AQP10: variants seen among roughly 807,000 people sequenced by gnomAD.
AQP10 encodes the protein aquaporin-10.
In AQP10, 15 loss-of-function variants were observed where a neutral mutation model predicts 21.0. The observed-to-expected ratio is 0.71, with a 90% CI of 0.48 to 1.10. The LOEUF is 1.10. Ranked by LOEUF, AQP10 falls within the 50% of genes least tolerant of loss-of-function variation. The probability of loss-of-function intolerance (pLI) is 0.00; values close to 1 mark genes in which losing one functional copy is unlikely to be tolerated. For missense variants in AQP10, 268 were observed against 379.5 expected (o/e 0.71, Z 2.44); for synonymous variants, 143 against 155.7 (o/e 0.92, Z 0.61).
chr1:154,323,736 C>T lies in AQP10; in HGVS notation c.637C>T (p.Leu213Phe). 6.2e-7 allele frequency: 1 copy of T among 1,614,204 alleles called. No individual in the cohort carries two copies. Among genetic ancestry groups the T allele is most frequent in the Non-Finnish European group, 8.5e-7 (1 of 1,180,038 alleles). ...CATGGGTGCCAACTGCGGGATTCCA[C>T]TCAACCCTGCCCGGGACCTGGGCCC... ...LSMGANCGIP[L>F]NPARDLGPRL... Residue 213 changes from leucine to phenylalanine, a missense_variant, in exon 5 of 6, where the codon CTC becomes TTC. Transcript: ENST00000324978. The surrounding 1 kb of genome is among the most constrained non-coding windows in gnomAD (Gnocchi z 4.5).
Position 154,324,331 on chromosome 1 carries a change from G to A in AQP10, c.757G>A (p.Ala253Thr). 2 of 1,594,000 alleles carry A rather than the reference G, an allele frequency of 1.3e-6. No homozygotes were observed. The highest frequency in any genetic ancestry group is 1.7e-6 in the Non-Finnish European group (2 of 1,172,814). Residue 253 changes from alanine (A) to threonine (T), a missense_variant, in exon 6 of 6, where the codon GCC (alanine) becomes ACC (threonine). This residue lies in a region of AQP10 where 229 missense variants were observed against 295.1 expected (regional missense o/e 0.78). Coordinates refer to ENST00000324978, the MANE Select transcript of AQP10 (RefSeq NM_080429.3). Reference sequence around the variant, plus strand: ...GCCTGTGGTGGCCCCTCTGGTGGGGGCCACCGTTGGCACAGCCACTTACCA... The same window carrying A: ...GCCTGTGGTGGCCCCTCTGGTGGGGACCACCGTTGGCACAGCCACTTACCA... ...WVPVVAPLVG[A>T]TVGTATYQLL... is the part of the protein sequence containing the mutation.
At position 154,323,551 on chromosome 1, in the gene AQP10, C is replaced by A. The variant is rs1685692735; in HGVS notation, c.490-38C>A. The A allele has an allele frequency of 3.1e-6, 5 of 1,593,228 alleles. No individual in the cohort carries two copies. Among genetic ancestry groups the A allele is most frequent in the Non-Finnish European group, 4.3e-6 (5 of 1,164,852 alleles). On this transcript the variant is annotated intron_variant, in intron 4 of 5. Coordinates refer to ENST00000324978, the MANE Select transcript of AQP10 (RefSeq NM_080429.3). This position sits in a 1 kb window ranked among gnomAD's most constrained non-coding sequence, Gnocchi z 4.5. ...GAGAGAGGGCAGATGGAGCACCTGG[C>A]AGCTGACAGGGAACCCTCTGCCTCT...
chr1:154,323,106 T>C lies in AQP10; in HGVS notation c.357T>C (p.Tyr119=). The change falls in exon 3 of 6, where the codon TAT becomes TAC. Residue 119 remains tyrosine, a synonymous_variant. Coordinates refer to ENST00000324978, the MANE Select transcript of AQP10 (RefSeq NM_080429.3). This position sits in a 1 kb window ranked among gnomAD's most constrained non-coding sequence, Gnocchi z 4.5. The part of the protein sequence containing the change: ...LSAFCASGAT[Y]VLYHDALQNY... ...CTTTCTGTGCTTCGGGAGCCACCTA[T>C]GTTCTCTACCATGGTGACAGAGGGA... The C allele has an allele frequency of 4.3e-6, 7 of 1,614,214 alleles. No homozygotes were observed. The highest frequency in any genetic ancestry group is 5.9e-6 in the Non-Finnish European group (7 of 1,180,050).
intron 1 of AQP10, 134 bp downstream of exon 1, chr1:154,321,394 G>A (rs1340657275): frequency 5.1e-5 from 30 of 589,446 alleles, no homozygotes; most frequent in Non-Finnish European, 8.3e-5. Context: ...TTATCCTCTC[G>A]TCTCTCCTAA....
chr1:154,321,374 C>G (rs892158197), intron 1 of AQP10, 114 bp downstream of exon 1: 6 of 741,100 alleles, frequency 8.1e-6, no homozygotes, highest in Non-Finnish European at 1.3e-5. Context: ...CTCCCTATCA[C>G]TTTTCGTTTT....
At position 154,323,332 on chromosome 1, in the gene AQP10, G is replaced by T; in HGVS notation, c.462G>T (p.Leu154=). The change falls in exon 4 of 6, where the codon CTG becomes CTT. Residue 154 remains leucine, a synonymous_variant. Transcript: ENST00000324978. This position sits in a 1 kb window ranked among gnomAD's most constrained non-coding sequence, Gnocchi z 4.5. ...SIFATYPAPY[L]SLNNGFLDQV... is the part of the protein sequence containing the mutation. Reference sequence around the variant, plus strand: ...TTGCCACCTATCCTGCCCCCTATCTGTCCCTGAACAATGGCTTCCTGGATC... The same window carrying T: ...TTGCCACCTATCCTGCCCCCTATCTTTCCCTGAACAATGGCTTCCTGGATC... 6.2e-7 allele frequency: 1 copy of T among 1,614,092 alleles called. No homozygotes were observed. Among genetic ancestry groups the T allele is most frequent in the South Asian group, 1.1e-5 (1 of 91,072 alleles).
At position 154,323,141 on chromosome 1, in the gene AQP10, G is replaced by A; in HGVS notation, c.370+22G>A. 1 of 1,614,162 alleles carries A rather than the reference G, an allele frequency of 6.2e-7. No homozygotes were observed. Among genetic ancestry groups the A allele is most frequent in the Non-Finnish European group, 8.5e-7 (1 of 1,180,014 alleles). On this transcript the variant is annotated intron_variant, in intron 3 of 5. Coordinates refer to ENST00000324978, the MANE Select transcript of AQP10 (RefSeq NM_080429.3). The surrounding 1 kb of genome is among the most constrained non-coding windows in gnomAD (Gnocchi z 4.5). ...CATGGTGACAGAGGGAACAGAGGGA[G>A]CTGTGCCTTGAGAGCACCTGTGGGT...
At chr1:154,322,115 C>A in intron 2 of AQP10, 56 bp downstream of exon 2, 1 of 1,604,010 alleles carries the variant, frequency 6.2e-7, no homozygotes, top group South Asian at 1.1e-5. Flanking sequence ...GCCAGTTTGT[C>A]TGTCTGGTGA....
chr1:154,323,127 A>G lies in AQP10; in HGVS notation c.370+8A>G. 1.2e-6 allele frequency: 2 copies of G among 1,613,812 alleles called. No individual in the cohort carries two copies. Among genetic ancestry groups the G allele is most frequent in the Non-Finnish European group, 1.7e-6 (2 of 1,179,744 alleles). On this transcript the variant is annotated splice_region_variant and intron_variant, in intron 3 of 5. Coordinates refer to ENST00000324978, the MANE Select transcript of AQP10 (RefSeq NM_080429.3). This position sits in a 1 kb window ranked among gnomAD's most constrained non-coding sequence, Gnocchi z 4.5. Reference sequence around the variant, plus strand: ...CCTATGTTCTCTACCATGGTGACAGAGGGAACAGAGGGAGCTGTGCCTTGA... The same window carrying G: ...CCTATGTTCTCTACCATGGTGACAGGGGGAACAGAGGGAGCTGTGCCTTGA...
In AQP10 at chr1:154,323,806, G is replaced by T; in HGVS notation, c.707G>T (p.Ser236Ile). ...YVAGWGPEVF[S>I]AGNGWWWVPV... ...GCTGGCTGGGGTCCTGAAGTCTTCA[G>T]GTGGGAGACAGACTCTCCTGGTGCT... Residue 236 changes from serine (S) to isoleucine (I), a missense_variant and splice_region_variant, in exon 5 of 6, where the codon AGT becomes ATT. Physicochemically the swap from Ser to Ile is moderately radical, Grantham distance 142. Transcript: ENST00000324978. The surrounding 1 kb of genome is among the most constrained non-coding windows in gnomAD (Gnocchi z 4.5). The T allele has an allele frequency of 6.2e-7, 1 of 1,613,914 alleles. No homozygotes were observed. The highest frequency in any genetic ancestry group is 8.5e-7 in the Non-Finnish European group (1 of 1,179,862).
At chr1:154,322,210 C>T in intron 2 of AQP10, 151 bp downstream of exon 2, 1 of 1,256,344 alleles carries the variant, frequency 8.0e-7, no homozygotes, top group Non-Finnish European at 1.1e-6. Context: ...TTGGCCCCAC[C>T]AGCCCCTCCT....
At position 154,323,875 on chromosome 1, in the gene AQP10, C is replaced by T; in HGVS notation, c.707+69C>T. The stretch of plus-strand genomic sequence containing the variant: ...TCTGCTAAGGGCTCTGTCCCTGGGT[C>T]CACAGCACTCTGCCTTTAAAATAGC... On this transcript the variant is annotated intron_variant, in intron 5 of 5. Coordinates refer to ENST00000324978, the MANE Select transcript of AQP10 (RefSeq NM_080429.3). The surrounding 1 kb of genome is among the most constrained non-coding windows in gnomAD (Gnocchi z 4.5). The T allele has an allele frequency of 6.4e-7, 1 of 1,572,516 alleles. No individual in the cohort carries two copies. The highest frequency in any genetic ancestry group is 8.6e-7 in the Non-Finnish European group (1 of 1,157,482).
In AQP10 at chr1:154,322,978, G is replaced by C; in HGVS notation, c.233-4G>C. On this transcript the variant is annotated splice_region_variant and splice_polypyrimidine_tract_variant and intron_variant, in intron 2 of 5. Transcript: ENST00000324978. ...TGCTCTTTTTCTTTCCTTGATACTT[G>C]AAGGGGCCCACCTGAATCCAGCCTT... 6.2e-7 allele frequency: 1 copy of C among 1,614,138 alleles called. No homozygotes were observed. Among genetic ancestry groups the C allele is most frequent in the Middle Eastern group, 1.7e-4 (1 of 6,054 alleles).
chr1:154,323,595 G>C lies in AQP10; in HGVS notation c.496G>C (p.Gly166Arg), dbSNP rs758960762. Residue 166 changes from glycine (G) to arginine (R), a missense_variant, in exon 5 of 6, where the codon GGC (glycine) becomes CGC (arginine). Physicochemically the swap from Gly to Arg is moderately radical, Grantham distance 125. Coordinates refer to ENST00000324978, the MANE Select transcript of AQP10 (RefSeq NM_080429.3). The surrounding 1 kb of genome is among the most constrained non-coding windows in gnomAD (Gnocchi z 4.5). ...LNNGFLDQVL[G>R]TGMLIVGLLA... is the part of the protein sequence containing the mutation. ...TGCCTCTGTTGACTCCAAGGTTCTG[G>C]GCACTGGGATGCTGATTGTGGGGCT... 13 of 1,613,416 alleles carry C rather than the reference G, an allele frequency of 8.1e-6. No homozygotes were observed. The highest frequency in any genetic ancestry group is 1.1e-5 in the Non-Finnish European group (13 of 1,179,402).
In AQP10 at chr1:154,324,474, G is replaced by A. The variant is rs780472898; in HGVS notation, c.900G>A (p.Lys300=). ...TPASAQMLEC[K]L ...CCTCAGCTCAGATGCTGGAGTGTAA[G>A]CTATGATTAGGACAACCCTCACTTC... The change falls in exon 6 of 6, where the codon AAG becomes AAA. Residue 300 remains lysine, a synonymous_variant. Transcript: ENST00000324978. 4 of 1,613,240 alleles carry A rather than the reference G, an allele frequency of 2.5e-6. No individual in the cohort carries two copies. Among genetic ancestry groups the A allele is most frequent in the Non-Finnish European group, 3.4e-6 (4 of 1,179,778 alleles).
At position 154,323,701 on chromosome 1, in the gene AQP10, T is replaced by G. The variant is rs1243753250; in HGVS notation, c.602T>G (p.Leu201Arg). Residue 201 changes from leucine to arginine, a missense_variant, in exon 5 of 6, where the codon CTC (leucine) becomes CGC (arginine). Transcript: ENST00000324978. This position sits in a 1 kb window ranked among gnomAD's most constrained non-coding sequence, Gnocchi z 4.5. ...GTGGTGGGGATGCTGATCCTGGCCC[T>G]CGGGTTATCCATGGGTGCCAACTGC... ...PVVVGMLILA[L>R]GLSMGANCGI... 1 of 1,614,166 alleles carries G rather than the reference T, an allele frequency of 6.2e-7. No homozygotes were observed. Among genetic ancestry groups the G allele is most frequent in the African/African-American group, 1.3e-5 (1 of 75,030 alleles).
chr1:154,323,727 G>T lies in AQP10; in HGVS notation c.628G>T (p.Gly210Trp). 1.2e-6 allele frequency: 2 copies of T among 1,614,116 alleles called. No homozygotes were observed. Among genetic ancestry groups the T allele is most frequent in the South Asian group, 1.1e-5 (1 of 91,076 alleles). ...ALGLSMGANC[G>W]IPLNPARDLG... ...CGGGTTATCCATGGGTGCCAACTGC[G>T]GGATTCCACTCAACCCTGCCCGGGA... The change falls in exon 5 of 6, where the codon GGG (glycine) becomes TGG (tryptophan). Residue 210 changes from glycine to tryptophan, a missense_variant. By Grantham distance (184) the Gly-to-Trp change is radical. Coordinates refer to ENST00000324978, the MANE Select transcript of AQP10 (RefSeq NM_080429.3). This position sits in a 1 kb window ranked among gnomAD's most constrained non-coding sequence, Gnocchi z 4.5.
At chr1:154,324,210 G>GC (rs1302302396) in intron 5 of AQP10, 72 bp from the exon 6 acceptor site, 11 of 1,393,612 alleles carry the variant, frequency 7.9e-6, no homozygotes, top group Non-Finnish European at 1.1e-5. Flanking sequence ...TCTTGTTACT[G>GC]CCCCCCGTCC....
At position 154,323,501 on chromosome 1, in the gene AQP10, G is replaced by C; in HGVS notation, c.490-88G>C. 6.5e-7 allele frequency: 1 copy of C among 1,531,528 alleles called. No individual in the cohort carries two copies. The allele number at this position is 1,531,528 out of a possible 1,614,324, so 94.9% of individuals were successfully genotyped here. A position where few individuals can be genotyped will look rare whatever the true frequency, so the allele number is the denominator to read the frequency against. Reference sequence around the variant, plus strand: ...TCCCCAACTGCCTGTGTTGCACAAAGCCAGATGACATGGAATATTTGGATG... The same window carrying C: ...TCCCCAACTGCCTGTGTTGCACAAACCCAGATGACATGGAATATTTGGATG... On this transcript the variant is annotated intron_variant, in intron 4 of 5. Transcript: ENST00000324978. This position sits in a 1 kb window ranked among gnomAD's most constrained non-coding sequence, Gnocchi z 4.5.
Sources: gnomAD v4.1 joint callset for allele counts on GRCh38, gnomAD v4.1.1 for gene constraint, gnomAD v4.1.1 regional missense constraint, Gnocchi (gnomAD v3.1) non-coding constraint, MANE v1.5 for transcripts, NCBI Gene and HGNC (gene_info 2026-07-23, HGNC 2026-07-21) for gene names.